PSMG2: variants seen among roughly 807,000 people sequenced by gnomAD.
The protein encoded by PSMG2 is proteasome assembly chaperone 2.
PSMG2 carries 21 observed loss-of-function variants against 31.5 expected under a neutral mutation model. The observed-to-expected ratio is 0.67, with a 90% CI of 0.47 to 0.96. The LOEUF (loss-of-function observed/expected upper bound fraction) is 0.96. Among genes scored for constraint, PSMG2 ranks in the 40% least tolerant of loss-of-function variants. The pLI is 0.00. For synonymous variants in PSMG2, 120 were observed against 110.4 expected (o/e 1.09, Z -0.54); for missense variants, 318 against 321.2 (o/e 0.99, Z 0.08).
At chr18:12,668,639 T>C (rs1356314486) in intron 1 of PSMG2, among the ~76,000 whole-genome samples, 5 of 130,984 alleles carry the variant, frequency 3.8e-5, no homozygotes, top group African/African-American at 2.8e-5. Context: ...ATAGTGAATG[T>C]ACTTAATCCA....
chr18:12,688,245 A>C (rs1378271035), intron 1 of PSMG2, among the ~76,000 whole-genome samples: 6 of 151,898 alleles, frequency 4.0e-5, no homozygotes, highest in African/African-American at 9.7e-5. Flanking sequence ...AAAAAAAAAA[A>C]AACAAAACCT....
At chr18:12,679,919 G>T (rs957138727) in intron 1 of PSMG2, among the ~76,000 whole-genome samples, 1 of 152,012 alleles carries the variant, frequency 6.6e-6, no homozygotes, top group African/African-American at 2.4e-5. Context: ...AGCTAGGCAT[G>T]GCTGTGCACA....
At chr18:12,720,931 C>T (rs1442143546) in intron 5 of PSMG2, among the ~76,000 whole-genome samples, 1 of 152,128 alleles carries the variant, frequency 6.6e-6, no homozygotes, top group South Asian at 2.1e-4. Context: ...TTTGGAAGGC[C>T]GAGGCAGGCG....
upstream of PSMG2, chr18:12,702,365 C>T (rs2040189601): frequency 1.4e-6 from 1 of 732,666 alleles, no homozygotes; most frequent in Non-Finnish European, 2.3e-6. Flanking sequence ...CTGCGTTGCG[C>T]ACCCCACAAT....
upstream of PSMG2, chr18:12,700,006 G>A (rs1446377836): frequency 2.5e-5 from 15 of 592,706 alleles, no homozygotes; most frequent in Non-Finnish European, 3.3e-5. Context: ...AAGTCAACAG[G>A]GTAAGGCCCT....
At chr18:12,682,849 T>G (rs1318062842) in intron 1 of PSMG2, among the ~76,000 whole-genome samples, 1 of 151,784 alleles carries the variant, frequency 6.6e-6, no homozygotes, top group Non-Finnish European at 1.5e-5. Context: ...CTTGAACTCC[T>G]GACCTCAAGT....
At chr18:12,659,936 C>G (rs2038661566) in intron 1 of PSMG2, among the ~76,000 whole-genome samples, 1 of 152,128 alleles carries the variant, frequency 6.6e-6, no homozygotes, top group Non-Finnish European at 1.5e-5. Flanking sequence ...TTTGCTATTT[C>G]AAAAGTTTAT....
At chr18:12,703,250 T>C (rs1434552116) in intron 1 of PSMG2, 86 bp downstream of exon 1, 1 of 1,401,910 alleles carries the variant, frequency 7.1e-7, no homozygotes, top group African/African-American at 1.5e-5. Flanking sequence ...GGCGGTGCCT[T>C]GGGAGAAATA....
At chr18:12,709,079 C>T (rs2145136307) in intron 2 of PSMG2, among the ~76,000 whole-genome samples, 1 of 151,350 alleles carries the variant, frequency 6.6e-6, no homozygotes, top group East Asian at 1.9e-4. Flanking sequence ...ACAGTCTCGC[C>T]CTGTTGCCCA....
At chr18:12,711,236 C>T (rs2040327822) in intron 2 of PSMG2, among the ~76,000 whole-genome samples, 1 of 151,132 alleles carries the variant, frequency 6.6e-6, no homozygotes, top group Non-Finnish European at 1.5e-5. Context: ...CGCACCACTG[C>T]ACTTCAGCCT....
In PSMG2 at chr18:12,662,143, A is replaced by C. The variant is rs553998680; in HGVS notation, c.-37+3370A>C. ...CCAAGCTTTTCCCAGACACTTCTGG[A>C]CAAGTGCTCCTAAGAGGCACATTCA... On this transcript the variant is annotated intron_variant, in intron 1 of 6. Transcript: ENST00000585331. 1.3e-4 allele frequency: 57 copies of C among 452,120 alleles called. 2 individuals are homozygous for C. The highest frequency in any genetic ancestry group is 8.8e-4 in the South Asian group (56 of 63,308). The allele number at this position is 452,120 out of a possible 1,614,324, so 28.0% of individuals were successfully genotyped here.
intron 1 of PSMG2, chr18:12,692,332 T>C (rs897735897): frequency 2.7e-5 from 4 of 150,712 alleles, no homozygotes; most frequent in African/African-American, 9.8e-5. Context: ...AAAAAAAACA[T>C]ACTGTCATTC....
At chr18:12,719,826 C>T (rs1053586082) in intron 4 of PSMG2, among the ~76,000 whole-genome samples, 4 of 147,058 alleles carry the variant, frequency 2.7e-5, no homozygotes, top group East Asian at 2.1e-4. Context: ...TGGGTTCAAG[C>T]GGTTCTCCTG....
chr18:12,673,654 T>C (rs2039011478), intron 1 of PSMG2: 1 of 524,320 alleles, frequency 1.9e-6, no homozygotes, highest in Non-Finnish European at 3.2e-6. Flanking sequence ...CCGAGACAGG[T>C]GGATCACCTG....
At chr18:12,690,884 G>A (rs921638685) in intron 1 of PSMG2, among the ~76,000 whole-genome samples, 3 of 151,938 alleles carry the variant, frequency 2.0e-5, no homozygotes, top group Admixed American at 1.3e-4. Flanking sequence ...CTTAGAAGTC[G>A]TGGTTATATA....
chr18:12,665,352 A>G (rs752075682), intron 1 of PSMG2, among the ~76,000 whole-genome samples: 1 of 152,088 alleles, frequency 6.6e-6, no homozygotes, highest in Middle Eastern at 3.2e-3. Flanking sequence ...GCTTGAGCCC[A>G]GGAGGTAGAG....
chr18:12,672,759 T>C, intron 1 of PSMG2: 3 of 975,306 alleles, frequency 3.1e-6, no homozygotes, highest in Non-Finnish European at 3.7e-6. Context: ...TGTACTTTCA[T>C]ATGAGGTTAT....
chr18:12,688,958 C>CA (rs1164607150), intron 1 of PSMG2, among the ~76,000 whole-genome samples: 1 of 151,904 alleles, frequency 6.6e-6, no homozygotes, highest in Non-Finnish European at 1.5e-5. Flanking sequence ...ACTAAAAACA[C>CA]AAAAAATTAG....
At chr18:12,702,779 C>T (rs1033599883), upstream of PSMG2, 13 of 582,408 alleles carry the variant, frequency 2.2e-5, no homozygotes, top group Middle Eastern at 4.5e-4. Context: ...ACAAACAGGG[C>T]TTGGGGCTGG....
Sources: gnomAD v4.1 joint callset for allele counts (sites outside exome capture counted in the v4.1 genomes callset) on GRCh38, gnomAD v4.1.1 for gene constraint, MANE v1.5 for transcripts, NCBI Gene and HGNC (gene_info 2026-07-23, HGNC 2026-07-21) for gene names.